Variants in NME6 observed in about 807,000 individuals in gnomAD.
The protein encoded by NME6 is nucleoside diphosphate kinase 6, mitochondrial.
Under a neutral mutation model 22.2 loss-of-function variants are expected in NME6, and 16 were observed. The observed-to-expected ratio is 0.72, with a 90% CI of 0.49 to 1.09. The LOEUF is 1.09. NME6 is among the 50% of genes least tolerant of loss of function. The pLI is 0.00. For missense variants in NME6, 229 were observed against 239.0 expected (o/e 0.96, Z 0.28); for synonymous variants, 58 against 85.2 (o/e 0.68, Z 1.76).
intron 3 of NME6, among the ~76,000 whole-genome samples, chr3:48,296,473 A>G (rs911937385): frequency 9.2e-5 from 14 of 152,236 alleles, no homozygotes; most frequent in African/African-American, 3.4e-4. Flanking sequence ...GTAAACATTC[A>G]TTCACTATAT....
At chr3:48,296,191 T>G (rs756284453) in intron 3 of NME6, 33 bp from the exon 4 acceptor site, 1 of 1,613,928 alleles carries the variant, frequency 6.2e-7, no homozygotes. Context: ...TCAAGATACC[T>G]TCATCCTGGT....
chr3:48,301,174 A>T, intron 1 of NME6, 179 bp downstream of exon 1: 1 of 1,252,614 alleles, frequency 8.0e-7, no homozygotes, highest in Non-Finnish European at 1.1e-6. Context: ...CTGCGCCCCT[A>T]CCCCCGTGGC....
intron 1 of NME6, among the ~76,000 whole-genome samples, chr3:48,299,637 G>C (rs1408302319): frequency 1.3e-5 from 2 of 151,990 alleles, no homozygotes; most frequent in African/African-American, 4.8e-5. Flanking sequence ...CAAATACAGA[G>C]AAGGCTTCCA....
Position 48,294,517 on chromosome 3 carries a change from AG to A in NME6, c.*119del. 1 of 935,496 alleles carries A rather than the reference AG, an allele frequency of 1.1e-6. No individual in the cohort carries two copies. The highest frequency in any genetic ancestry group is 1.6e-5 in the African/African-American group (1 of 61,172). 57.9% of individuals were successfully genotyped at this position (935,496 alleles called of 1,614,324 possible). On this transcript the variant is annotated 3_prime_UTR_variant, in exon 6 of 6. Transcript: ENST00000442597. ...GCTGTGGTGAGCTAGGCCCTCAGGC[AG>A]GTGGTGGTGCCCAGCAGAAATGGCA...
At chr3:48,295,390 C>G in intron 4 of NME6, 155 bp from the exon 5 acceptor site, 1 of 801,162 alleles carries the variant, frequency 1.2e-6, no homozygotes, top group Non-Finnish European at 1.9e-6. Flanking sequence ...TGATGCAGGG[C>G]CCCTGCTGGT....
rs1360214418 is a variant in NME6 at position 48,294,614 on chromosome 3, C to T, written c.*23G>A. ...ATGTCTAGGAGAAGTCTGGGCACTA[C>T]CACTGGTCTTCATAGACCTGCATCA... is the stretch of plus-strand genomic sequence containing the variant. On this transcript the variant is annotated 3_prime_UTR_variant, in exon 6 of 6. Transcript: ENST00000442597. 2.5e-6 allele frequency: 4 copies of T among 1,610,800 alleles called. No individual in the cohort carries two copies. The East Asian group carries it at 8.9e-5, about 36-fold the overall frequency.
chr3:48,298,869 G>C, intron 1 of NME6: 2 of 670,164 alleles, frequency 3.0e-6, no homozygotes, highest in South Asian at 3.2e-5. Context: ...TTTTACAGAG[G>C]ATTTACAATT....
chr3:48,301,214 C>G, intron 1 of NME6, 139 bp downstream of exon 1: 1 of 1,489,660 alleles, frequency 6.7e-7, no homozygotes, highest in Non-Finnish European at 9.0e-7. Context: ...GGCTCACGGC[C>G]TCAACTCTCG....
downstream of NME6, among the ~76,000 whole-genome samples, chr3:48,289,098 CTT>C (rs1559989432): frequency 1.3e-5 from 2 of 151,702 alleles, no homozygotes; most frequent in Non-Finnish European, 2.9e-5. Flanking sequence ...GAGTTTCGCT[CTT>C]GTTGCCCAGG....
intron 1 of NME6, chr3:48,300,658 T>C (rs1430338945): frequency 4.0e-6 from 1 of 248,800 alleles, no homozygotes; most frequent in African/African-American, 2.3e-5. Context: ...ATGGTTCCTT[T>C]ACTAACGCAG....
At chr3:48,300,449 C>T (rs746545107) in intron 1 of NME6, 2 of 412,060 alleles carry the variant, frequency 4.9e-6, no homozygotes, top group Non-Finnish European at 9.5e-6. Flanking sequence ...TCTTAGCTCA[C>T]TTCCCGTTAC....
downstream of NME6, chr3:48,292,278 A>G (rs905188492): frequency 6.6e-6 from 1 of 152,182 alleles, no homozygotes; most frequent in Non-Finnish European, 1.5e-5. Flanking sequence ...ATTTACATCT[A>G]TCTCTATAGA....
rs1326348818 is a variant in NME6, at chr3:48,293,419, GAAAA to G, written c.*1214_*1217del. On this transcript the variant is annotated 3_prime_UTR_variant, in exon 6 of 6. Coordinates refer to ENST00000442597, the MANE Select transcript of NME6 (RefSeq NM_001308426.2). The stretch of plus-strand genomic sequence containing the variant: ...AGAGAAATACACATGTACTGAGAAA[GAAAA>G]GTCAAGACCTGTAAGAAGTGTCACA... The G allele has an allele frequency of 2.6e-5, 4 of 152,312 alleles. No homozygotes were observed. Among genetic ancestry groups the G allele is most frequent in the African/African-American group, 9.6e-5 (4 of 41,568 alleles). 9.4% of individuals were successfully genotyped at this position (152,312 alleles called of 1,614,324 possible).
chr3:48,288,549 C>T (rs2034279454), downstream of NME6: 1 of 152,054 alleles, frequency 6.6e-6, no homozygotes, highest in South Asian at 2.1e-4. Context: ...AATTTGTTTT[C>T]CCTTCAGAAA....
chr3:48,301,315 G>T, intron 1 of NME6, 38 bp downstream of exon 1: 1 of 1,592,842 alleles, frequency 6.3e-7, no homozygotes, highest in Non-Finnish European at 8.5e-7. Flanking sequence ...TGGGTCATTC[G>T]GAGCCCCAGT....
chr3:48,289,529 G>A (rs184280879), downstream of NME6, among the ~76,000 whole-genome samples: 18 of 152,264 alleles, frequency 1.2e-4, no homozygotes, highest in East Asian at 3.9e-4. Context: ...CAGACACACC[G>A]GAGAATGATT....
chr3:48,297,011 G>T (rs1416524299), intron 2 of NME6, among the ~76,000 whole-genome samples, 182 bp from the exon 3 acceptor site: 1 of 152,076 alleles, frequency 6.6e-6, no homozygotes, highest in Non-Finnish European at 1.5e-5. Context: ...TGGGTGAAAG[G>T]GGATAGGATG....
chr3:48,295,686 C>G (rs2035009127), intron 4 of NME6: 1 of 252,122 alleles, frequency 4.0e-6, no homozygotes, highest in African/African-American at 2.3e-5. Context: ...GGATTACAGG[C>G]ACCCGCCACC....
rs1334224516 is a variant in NME6, at chr3:48,296,717, C to T, written c.193+10G>A. 4.4e-6 allele frequency: 7 copies of T among 1,599,106 alleles called. No homozygotes were observed. The highest frequency in any genetic ancestry group is 1.7e-5 in the Admixed American group (1 of 59,492). ...GAGGCACCTTCCATTCAGAGGACTA[C>T]TGATCCTACCTTCATGCTCTCGGTA... is the stretch of plus-strand genomic sequence containing the variant. On this transcript the variant is annotated intron_variant, in intron 3 of 5. Transcript: ENST00000442597.
Sources: allele counts gnomAD v4.1 joint callset (sites outside exome capture counted in the v4.1 genomes callset), GRCh38; gene constraint gnomAD v4.1.1; transcripts MANE v1.5; gene names NCBI Gene and HGNC (gene_info 2026-07-23, HGNC 2026-07-21).